The following CRPPA variants were observed in gnomAD, a reference collection of about 807,000 sequenced individuals.
CRPPA encodes the protein D-ribitol-5-phosphate cytidylyltransferase.
A neutral mutation model predicts 52.0 loss-of-function variants in CRPPA; 43 were observed. The observed-to-expected ratio is 0.83, with a 90% CI of 0.65 to 1.07. The LOEUF (loss-of-function observed/expected upper bound fraction) is 1.07. Among genes scored for constraint, CRPPA ranks in the 50% least tolerant of loss-of-function variants. The pLI is 0.00. For synonymous variants in CRPPA, 250 were observed against 203.5 expected (o/e 1.23, Z -1.94); for missense variants, 629 against 551.7 (o/e 1.14, Z -1.40).
At chr7:16,105,635 C>G (rs1345900468) in intron 9 of CRPPA, among the ~76,000 whole-genome samples, 2 of 152,080 alleles carry the variant, frequency 1.3e-5, no homozygotes, top group Admixed American at 1.3e-4. Context: ...TATCCAATTG[C>G]AGATATCAGT....
intron 8 of CRPPA, among the ~76,000 whole-genome samples, chr7:16,251,022 T>G (rs1053116029): frequency 1.3e-5 from 2 of 150,450 alleles, no homozygotes; most frequent in Admixed American, 1.3e-4. Context: ...AATAAAAGGA[T>G]AGATGAAGAT....
intron 9 of CRPPA, among the ~76,000 whole-genome samples, chr7:16,173,676 C>T (rs527807240): frequency 2.4e-4 from 36 of 152,184 alleles, no homozygotes; most frequent in African/African-American, 8.4e-4. Flanking sequence ...AGAGCACTCA[C>T]AAAAGTAAGA....
At chr7:16,400,057 TGGCACGTGATC>T (rs1220616158) in intron 2 of CRPPA, among the ~76,000 whole-genome samples, 1 of 152,108 alleles carries the variant, frequency 6.6e-6, no homozygotes, top group Non-Finnish European at 1.5e-5. Flanking sequence ...AACACGTGAT[TGGCACGTGATC>T]GGCAACGTGT....
chr7:16,304,652 T>A (rs1041006175), intron 4 of CRPPA, among the ~76,000 whole-genome samples: 5 of 151,956 alleles, frequency 3.3e-5, no homozygotes, highest in East Asian at 1.9e-4. Context: ...AAAAAATTAA[T>A]TAATTAAAGA....
intron 9 of CRPPA, among the ~76,000 whole-genome samples, chr7:16,182,266 T>C (rs570625440): frequency 1.3e-5 from 2 of 151,862 alleles, no homozygotes; most frequent in African/African-American, 4.8e-5. Flanking sequence ...ATAGTAATAA[T>C]TTTACTAATA....
chr7:16,260,893 A>T (rs1562592999), intron 6 of CRPPA, among the ~76,000 whole-genome samples: 1 of 152,114 alleles, frequency 6.6e-6, no homozygotes, highest in Non-Finnish European at 1.5e-5. Flanking sequence ...AATGTTTAAT[A>T]ATTTTAAAAA....
chr7:16,119,344 T>G (rs181545469), intron 9 of CRPPA, among the ~76,000 whole-genome samples: 10 of 152,034 alleles, frequency 6.6e-5, no homozygotes, highest in Admixed American at 4.6e-4. Flanking sequence ...TAGACCATGT[T>G]CATTTTCAGT....
intron 6 of CRPPA, among the ~76,000 whole-genome samples, 190 bp from the exon 7 acceptor site, chr7:16,259,202 C>T (rs1278110915): frequency 6.6e-6 from 1 of 151,854 alleles, no homozygotes; most frequent in Non-Finnish European, 1.5e-5. Context: ...ATGAATAATG[C>T]ATATTTTAGC....
chr7:16,385,537 A>C (rs1787238931), intron 2 of CRPPA, among the ~76,000 whole-genome samples: 1 of 152,214 alleles, frequency 6.6e-6, no homozygotes, highest in African/African-American at 2.4e-5. Flanking sequence ...CCAGTATTTC[A>C]CACATGAAAG....
chr7:16,416,180 C>T (rs1396866066), intron 1 of CRPPA, among the ~76,000 whole-genome samples: 3 of 152,108 alleles, frequency 2.0e-5, no homozygotes, highest in Admixed American at 1.3e-4. Context: ...ACCCAAACAG[C>T]ACAGTATTGG....
chr7:16,358,620 T>C (rs999212559), intron 3 of CRPPA, among the ~76,000 whole-genome samples: 2 of 152,196 alleles, frequency 1.3e-5, no homozygotes, highest in African/African-American at 4.8e-5. Flanking sequence ...GAGTGATGAC[T>C]TGACACAGAA....
At chr7:16,358,180 C>T (rs1583545965) in intron 3 of CRPPA, among the ~76,000 whole-genome samples, 1 of 152,100 alleles carries the variant, frequency 6.6e-6, no homozygotes, top group Admixed American at 6.5e-5. Context: ...GAGTAAACAC[C>T]ACCGAGTGCC....
At chr7:16,201,961 A>G (rs1252335546) in intron 9 of CRPPA, among the ~76,000 whole-genome samples, 1 of 152,132 alleles carries the variant, frequency 6.6e-6, no homozygotes, top group Admixed American at 6.5e-5. Context: ...CTTCAATTTA[A>G]AGGTAATGTT....
chr7:16,278,811 T>C (rs1266196740), intron 5 of CRPPA, among the ~76,000 whole-genome samples: 3 of 152,208 alleles, frequency 2.0e-5, no homozygotes, highest in Non-Finnish European at 4.4e-5. Flanking sequence ...TTAAAATTTA[T>C]AAACTATGTA....
intron 6 of CRPPA, 114 bp downstream of exon 6, chr7:16,278,015 A>G (rs1784244803): frequency 4.5e-6 from 3 of 669,814 alleles, no homozygotes; most frequent in East Asian, 2.7e-5. Context: ...AGGCAAAATA[A>G]TAAGAACATT....
intron 9 of CRPPA, among the ~76,000 whole-genome samples, chr7:16,140,163 TAG>T (rs1339398760): frequency 6.6e-6 from 1 of 152,222 alleles, no homozygotes; most frequent in African/African-American, 2.4e-5. Context: ...ATTATTCATT[TAG>T]AGACAAGAGT....
intron 3 of CRPPA, among the ~76,000 whole-genome samples, chr7:16,317,709 TTTCAATGAATA>T (rs1254669022): frequency 2.6e-4 from 40 of 152,204 alleles, no homozygotes; most frequent in African/African-American, 8.7e-4. Flanking sequence ...ATCAATGATG[TTTCAATGAATA>T]TGGGAGTGAG....
intron 5 of CRPPA, among the ~76,000 whole-genome samples, chr7:16,287,212 A>G (rs557768981): frequency 4.4e-4 from 67 of 152,336 alleles, no homozygotes; most frequent in Non-Finnish European, 7.8e-4. Flanking sequence ...GTCAACTTTA[A>G]GATTTCTAGC....
intron 3 of CRPPA, among the ~76,000 whole-genome samples, chr7:16,314,003 T>C (rs1169477338): frequency 2.0e-5 from 3 of 152,000 alleles, no homozygotes; most frequent in Admixed American, 6.6e-5. Context: ...TAACTAGATG[T>C]CAATTTTACT....
Sources: gnomAD v4.1 joint callset for allele counts (sites outside exome capture counted in the v4.1 genomes callset) on GRCh38, gnomAD v4.1.1 for gene constraint, MANE v1.5 for transcripts, NCBI Gene and HGNC (gene_info 2026-07-23, HGNC 2026-07-21) for gene names.